Variants in PDE8B observed in about 807,000 individuals in gnomAD.
PDE8B encodes high affinity cAMP-specific and IBMX-insensitive 3',5'-cyclic phosphodiesterase 8B.
A neutral mutation model predicts 101.3 loss-of-function variants in PDE8B; 26 were observed. The observed-to-expected ratio is 0.26, with a 90% CI of 0.19 to 0.36. The LOEUF is 0.36. Ranked by LOEUF, PDE8B falls within the 10% of genes least tolerant of loss-of-function variation. The pLI is 1.00. For synonymous variants in PDE8B, 424 were observed against 429.3 expected (o/e 0.99, Z 0.15); for missense variants, 810 against 1,163.1 (o/e 0.70, Z 4.42).
At chr5:77,207,946 C>T (rs568103082), upstream of PDE8B, among the ~76,000 whole-genome samples, 46 of 152,284 alleles carry the variant, frequency 3.0e-4, no homozygotes, top group African/African-American at 9.6e-4. Context: ...GTGCATTTCC[C>T]CTTCTATCTT....
chr5:77,221,263 T>C (rs903317775), intron 1 of PDE8B, among the ~76,000 whole-genome samples: 1 of 152,214 alleles, frequency 6.6e-6, no homozygotes, highest in Non-Finnish European at 1.5e-5. Flanking sequence ...AATCTGTAGC[T>C]TCCCCTTCCA....
chr5:77,398,942 G>A (rs335597), intron 10 of PDE8B, among the ~76,000 whole-genome samples: 31,184 of 152,214 alleles, frequency 0.2, 4,036 homozygotes, highest in Non-Finnish European at 0.3. Context: ...AAAGTCCGAG[G>A]AAGCTGAGAG....
At chr5:77,347,666 G>A (rs1378796645) in intron 7 of PDE8B, among the ~76,000 whole-genome samples, 1 of 152,188 alleles carries the variant, frequency 6.6e-6, no homozygotes, top group Non-Finnish European at 1.5e-5. Context: ...TAAATTCGGT[G>A]TAATAAGTCA....
At position 77,405,766 on chromosome 5, in the gene PDE8B, G is replaced by T. The variant is rs192738640; in HGVS notation, c.1288+969G>T. Among the ~76,000 whole-genome samples the T allele has an allele frequency of 2.6e-5, 4 of 152,280 alleles. No individual in the cohort carries two copies. The East Asian group carries it at 7.7e-4, about 29-fold the overall frequency. On this transcript the variant is annotated intron_variant, in intron 12 of 21. Coordinates refer to ENST00000264917, the MANE Select transcript of PDE8B (RefSeq NM_003719.5). ...AAGGCGGTGGCCAGCAGTGTTAGAT[G>T]CTGTGGATATCAGAACTCGAGAGCG...
At chr5:77,263,752 A>G (rs1761107450) in intron 1 of PDE8B, among the ~76,000 whole-genome samples, 1 of 152,174 alleles carries the variant, frequency 6.6e-6, no homozygotes, top group Non-Finnish European at 1.5e-5. Flanking sequence ...GGTTATTGTT[A>G]TTAATTCAAT....
chr5:77,200,951 A>C, the PDE8B span, among the ~76,000 whole-genome samples: 1 of 152,222 alleles, frequency 6.6e-6, no homozygotes, highest in East Asian at 1.9e-4. Context: ...GTCAAACCCC[A>C]AGAAGGGAGA....
At chr5:77,424,137 G>A (rs1797376081) in intron 20 of PDE8B, among the ~76,000 whole-genome samples, 1 of 152,044 alleles carries the variant, frequency 6.6e-6, no homozygotes, top group Non-Finnish European at 1.5e-5. Context: ...GAACACCAGT[G>A]GATATTTTAA....
intron 1 of PDE8B, among the ~76,000 whole-genome samples, chr5:77,299,126 C>T (rs1769287902): frequency 6.6e-6 from 1 of 152,104 alleles, no homozygotes; most frequent in Non-Finnish European, 1.5e-5. Flanking sequence ...ACACAAAGGC[C>T]CCAAGGCCCG....
intron 1 of PDE8B, among the ~76,000 whole-genome samples, chr5:77,238,818 C>T (rs1755193023): frequency 6.6e-6 from 1 of 152,182 alleles, no homozygotes; most frequent in South Asian, 2.1e-4. Context: ...GCACTGATGG[C>T]CAAGGGCAAG....
chr5:77,292,682 T>G (rs1436463955), intron 1 of PDE8B, among the ~76,000 whole-genome samples: 1 of 152,234 alleles, frequency 6.6e-6, no homozygotes, highest in Non-Finnish European at 1.5e-5. Context: ...GAGCATTGCT[T>G]GTCCTTTTCT....
At chr5:77,106,421 C>T in the PDE8B span, among the ~76,000 whole-genome samples, 9 of 152,216 alleles carry the variant, frequency 5.9e-5, no homozygotes, top group Non-Finnish European at 1.3e-4. Flanking sequence ...CCCCTTTTCC[C>T]CCATTGAAAT....
intron 1 of PDE8B, among the ~76,000 whole-genome samples, chr5:77,225,470 G>C (rs1318890031): frequency 6.6e-6 from 1 of 152,094 alleles, no homozygotes; most frequent in Non-Finnish European, 1.5e-5. Flanking sequence ...CAGATTTCCT[G>C]CCTTTTTGGA....
chr5:77,206,017 G>A (rs1283965332), upstream of PDE8B, among the ~76,000 whole-genome samples: 2 of 152,164 alleles, frequency 1.3e-5, no homozygotes, highest in Middle Eastern at 3.4e-3. Context: ...CTACCATGAT[G>A]TAATCAAAGG....
At chr5:77,229,996 A>G (rs2149480616) in intron 1 of PDE8B, among the ~76,000 whole-genome samples, 1 of 152,246 alleles carries the variant, frequency 6.6e-6, no homozygotes, top group East Asian at 1.9e-4. Context: ...TATGTGTTTA[A>G]CTGAGGAACC....
intron 8 of PDE8B, among the ~76,000 whole-genome samples, chr5:77,350,180 A>G (rs1780833220): frequency 6.6e-6 from 1 of 152,202 alleles, no homozygotes; most frequent in South Asian, 2.1e-4. Context: ...TTCTTCACAT[A>G]CAATTTCTTT....
the PDE8B span, among the ~76,000 whole-genome samples, chr5:77,121,888 C>G: frequency 4.6e-5 from 7 of 152,278 alleles, no homozygotes; most frequent in East Asian, 1.4e-3. Flanking sequence ...TACGTTTCAC[C>G]TTTGCACTTC....
chr5:77,246,238 T>A (rs1756910248), intron 1 of PDE8B, among the ~76,000 whole-genome samples: 1 of 152,204 alleles, frequency 6.6e-6, no homozygotes, highest in Non-Finnish European at 1.5e-5. Context: ...ATTGCATTCA[T>A]GCTATTATTT....
At chr5:77,087,054 G>C in the PDE8B span, 1 of 152,288 alleles carries the variant, frequency 6.6e-6, no homozygotes, top group Non-Finnish European at 1.5e-5. Context: ...GCTCACCTGC[G>C]CTCCCCGCTG....
chr5:77,195,969 A>C, the PDE8B span, among the ~76,000 whole-genome samples: 1 of 152,172 alleles, frequency 6.6e-6, no homozygotes, highest in African/African-American at 2.4e-5. Context: ...TCAAAGGTCA[A>C]CTGTAGTTTT....
Sources: allele counts gnomAD v4.1 joint callset (sites outside exome capture counted in the v4.1 genomes callset), GRCh38; gene constraint gnomAD v4.1.1; transcripts MANE v1.5; gene names NCBI Gene and HGNC (gene_info 2026-07-23, HGNC 2026-07-21).